Variants in PRKN observed in about 807,000 individuals in gnomAD.
PRKN encodes parkin RBR E3 ubiquitin protein ligase.
Under a neutral mutation model 59.5 loss-of-function variants are expected in PRKN, and 56 were observed. That is an observed-to-expected ratio of 0.94 (90% CI 0.76 to 1.18). PRKN has a LOEUF of 1.18. Among genes scored for constraint, PRKN ranks in the 50% most tolerant of loss-of-function variants. The pLI is 0.00. For synonymous variants in PRKN, 250 were observed against 222.1 expected (o/e 1.13, Z -1.12); for missense variants, 657 against 596.4 (o/e 1.10, Z -1.06).
At chr6:161,763,225 G>C (rs1413019511) in intron 7 of PRKN, among the ~76,000 whole-genome samples, 1 of 152,132 alleles carries the variant, frequency 6.6e-6, no homozygotes, top group African/African-American at 2.4e-5. Context: ...CTGTAAGCTT[G>C]TGAGCCGTGA....
In PRKN at chr6:161,843,498, A is replaced by G. The variant is rs150889059; in HGVS notation, c.735-57590T>C. Among the ~76,000 whole-genome samples the G allele has an allele frequency of 3.5e-4, 53 of 152,312 alleles. No homozygotes were observed. In the East Asian group the frequency reaches 9.8e-3, roughly 28 times the overall value. ...TTTGAATCCGTGGATTTTAAGAATT[A>G]TTCCTGGCTGGGCGCAGTGGCTCAC... is the stretch of plus-strand genomic sequence containing the variant. On this transcript the variant is annotated intron_variant, in intron 6 of 11. Coordinates refer to ENST00000366898, the MANE Select transcript of PRKN (RefSeq NM_004562.3).
chr6:161,602,270 A>G (rs545372228), intron 7 of PRKN, among the ~76,000 whole-genome samples: 1 of 152,288 alleles, frequency 6.6e-6, no homozygotes, highest in Admixed American at 6.5e-5. Flanking sequence ...TCCAAACACA[A>G]TTAGAATTTG....
chr6:162,569,472 A>G (rs1467212082), intron 1 of PRKN: 5 of 689,006 alleles, frequency 7.3e-6, no homozygotes, highest in Admixed American at 3.5e-5. Context: ...GAGAGTGAGG[A>G]GAGCCACCTG....
At chr6:161,936,827 C>T (rs1364409237) in intron 6 of PRKN, among the ~76,000 whole-genome samples, 1 of 151,474 alleles carries the variant, frequency 6.6e-6, no homozygotes, top group Non-Finnish European at 1.5e-5. Context: ...GCTCTGTCAC[C>T]CAGGCTGAAG....
intron 1 of PRKN, among the ~76,000 whole-genome samples, chr6:162,646,233 T>C (rs1015150668): frequency 6.7e-6 from 1 of 149,864 alleles, no homozygotes; most frequent in Admixed American, 6.7e-5. Flanking sequence ...ACCAAACATA[T>C]AAAATAAATA....
At position 161,407,871 on chromosome 6, in the gene PRKN, G is replaced by A. The variant is rs913827217; in HGVS notation, c.1084-20994C>T. Among the ~76,000 whole-genome samples, 7 of 152,064 alleles carry A rather than the reference G, an allele frequency of 4.6e-5. No homozygotes were observed. Among genetic ancestry groups the A allele is most frequent in the African/African-American group, 9.7e-5 (4 of 41,376 alleles). ...ATGAGTCTTATGATCTCCCCACCAT[G>A]CACCTTGTAATCCCCTCCTCTGCTA... is the stretch of plus-strand genomic sequence containing the variant. On this transcript the variant is annotated intron_variant, in intron 9 of 11. Coordinates refer to ENST00000366898, the MANE Select transcript of PRKN (RefSeq NM_004562.3). This position sits in a 1 kb window ranked among gnomAD's most constrained non-coding sequence, Gnocchi z 4.9.
At chr6:161,862,603 C>A (rs578238668) in intron 6 of PRKN, among the ~76,000 whole-genome samples, 8 of 151,424 alleles carry the variant, frequency 5.3e-5, no homozygotes, top group Non-Finnish European at 1.0e-4. Context: ...CCTGGAGTAA[C>A]GGGGTAAAAA....
At chr6:161,887,535 G>C (rs149352536) in intron 6 of PRKN, among the ~76,000 whole-genome samples, 2 of 152,292 alleles carry the variant, frequency 1.3e-5, no homozygotes, top group East Asian at 3.9e-4. Context: ...CTTTCAGCAA[G>C]TTAGTGAAAC....
At chr6:162,559,150 C>CAAAA (rs67508754) in intron 1 of PRKN, among the ~76,000 whole-genome samples, 17,009 of 101,664 alleles carry the variant, frequency 0.17, 2,000 homozygotes, top group East Asian at 0.47. Context: ...GATTCCGTCT[C>CAAAA]AAAAAAAAAA....
At chr6:161,672,822 T>C (rs1784957851) in intron 7 of PRKN, among the ~76,000 whole-genome samples, 2 of 152,168 alleles carry the variant, frequency 1.3e-5, no homozygotes, top group Non-Finnish European at 2.9e-5. Context: ...AAATAAGGCC[T>C]TTCCTGTACT....
chr6:162,677,963 C>T (rs1368750940), intron 1 of PRKN, among the ~76,000 whole-genome samples: 1 of 152,090 alleles, frequency 6.6e-6, no homozygotes, highest in Non-Finnish European at 1.5e-5. Context: ...TCTCTTCCTT[C>T]TGCCTCTCCC....
intron 5 of PRKN, among the ~76,000 whole-genome samples, chr6:162,012,922 C>A (rs1326943438): frequency 1.3e-5 from 2 of 152,094 alleles, no homozygotes; most frequent in Non-Finnish European, 2.9e-5. Context: ...GTGGTTCCTG[C>A]CAGGTTTCTC....
chr6:162,407,263 G>A (rs1473249331), intron 2 of PRKN, among the ~76,000 whole-genome samples: 1 of 152,056 alleles, frequency 6.6e-6, no homozygotes, highest in Non-Finnish European at 1.5e-5. Context: ...AATGCCAGGG[G>A]GTAACATTGT....
chr6:162,055,564 T>C (rs1777821845), intron 4 of PRKN, among the ~76,000 whole-genome samples: 1 of 151,858 alleles, frequency 6.6e-6, no homozygotes, highest in Middle Eastern at 3.2e-3. Context: ...AAGAGGTGGG[T>C]TGTCTCCCCA....
chr6:161,941,605 C>A (rs1779570046), intron 6 of PRKN, among the ~76,000 whole-genome samples: 1 of 152,208 alleles, frequency 6.6e-6, no homozygotes, highest in African/African-American at 2.4e-5. Flanking sequence ...TGAGCTAACA[C>A]AAGCTGTCTA....
At chr6:161,680,775 A>AT (rs869253616) in intron 7 of PRKN, among the ~76,000 whole-genome samples, 502 of 30,570 alleles carry the variant, frequency 0.016, 16 homozygotes, top group Middle Eastern at 0.033. Context: ...ATATATATAT[A>AT]TTTTTTTTTT....
chr6:161,755,583 G>A (rs1046765675), intron 7 of PRKN, among the ~76,000 whole-genome samples: 2 of 151,784 alleles, frequency 1.3e-5, no homozygotes, highest in Non-Finnish European at 2.9e-5. Flanking sequence ...ACAGTGCCTC[G>A]ACTACGGCAA....
chr6:161,732,481 T>TGTG (rs1554298354), intron 7 of PRKN, among the ~76,000 whole-genome samples: 56 of 130,298 alleles, frequency 4.3e-4, no homozygotes, highest in African/African-American at 2.0e-3. Context: ...GAGGTTTTTT[T>TGTG]TTTTTGTGTG....
In PRKN at chr6:161,879,861, T is replaced by C. The variant is rs149806838; in HGVS notation, c.734+93441A>G. On this transcript the variant is annotated intron_variant, in intron 6 of 11. Coordinates refer to ENST00000366898, the MANE Select transcript of PRKN (RefSeq NM_004562.3). ...TAATTACAGTGTATTTTAAAGCTTT[T>C]CTTTTTTGTTTCAGATCTGTAGGAC... Among the ~76,000 whole-genome samples the C allele has an allele frequency of 2.6e-5, 4 of 152,346 alleles. No individual in the cohort carries two copies. In the East Asian group the frequency reaches 7.7e-4, roughly 29 times the overall value.
Sources: allele counts gnomAD v4.1 joint callset (sites outside exome capture counted in the v4.1 genomes callset), GRCh38; gene constraint gnomAD v4.1.1; non-coding constraint Gnocchi (gnomAD v3.1); transcripts MANE v1.5; gene names NCBI Gene and HGNC (gene_info 2026-07-23, HGNC 2026-07-21).